The following ATRNL1 variants were observed in gnomAD, a reference collection of about 807,000 sequenced individuals.
ATRNL1 encodes the protein attractin-like protein 1.
Under a neutral mutation model 182.7 loss-of-function variants are expected in ATRNL1, and 95 were observed. The ratio of observed to expected loss-of-function variants is 0.52; its 90% CI spans 0.44 to 0.62. ATRNL1 has a LOEUF of 0.62. ATRNL1 is among the 20% of genes least tolerant of loss of function. ATRNL1 has a pLI of 0.00. For synonymous variants in ATRNL1, 576 were observed against 568.3 expected, an observed-to-expected ratio of 1.01 and a Z score of -0.19; for missense variants, 1,471 against 1,679.5, an observed-to-expected ratio of 0.88 and a Z score of 2.17.
rs528619167 is a variant in ATRNL1 at position 115,321,671 on chromosome 10, C to CTT, written c.3037+5953_3037+5954dup. Reference sequence around the variant, plus strand: ...AATACTGAAGAGGGAAAGGTGAAAGCTTTTTTTTTTTTTTTTTTTAAAGAA... The same window carrying CTT: ...AATACTGAAGAGGGAAAGGTGAAAGCTTTTTTTTTTTTTTTTTTTTTAAAGAA... On this transcript the variant is annotated intron_variant, in intron 18 of 28. Coordinates refer to ENST00000355044, the MANE Select transcript of ATRNL1 (RefSeq NM_207303.4). 6.9e-3 allele frequency among the ~76,000 whole-genome samples: 863 copies of CTT among 125,644 alleles called. 4 individuals are homozygous for CTT. The highest frequency in any genetic ancestry group is 0.018 in the South Asian group (69 of 3,792). 82.4% of individuals were successfully genotyped at this position (125,644 alleles called of 152,430 possible). A position where few individuals can be genotyped will look rare whatever the true frequency, so the allele number is the denominator to read the frequency against.
rs1250779664 is a variant in ATRNL1 at position 115,487,607 on chromosome 10, T to C, written c.3654+18278T>C. Among the ~76,000 whole-genome samples the C allele has an allele frequency of 2.0e-5, 3 of 152,218 alleles. No individual in the cohort carries two copies. In the East Asian group the frequency reaches 5.8e-4, roughly 29 times the overall value. On this transcript the variant is annotated intron_variant, in intron 24 of 28. Coordinates refer to ENST00000355044, the MANE Select transcript of ATRNL1 (RefSeq NM_207303.4). ...ATTCGGACACTTTGCTGAAGTTGCT[T>C]GTCAGCTTAAGGAGTTTTTGGACGG...
intron 26 of ATRNL1, among the ~76,000 whole-genome samples, chr10:115,594,159 C>A (rs2133925156): frequency 6.6e-6 from 1 of 152,140 alleles, no homozygotes; most frequent in South Asian, 2.1e-4. Flanking sequence ...GGGAGAAACA[C>A]TTAGTTATTC....
At chr10:115,258,674 A>T (rs1592337683) in intron 10 of ATRNL1, among the ~76,000 whole-genome samples, 1 of 152,040 alleles carries the variant, frequency 6.6e-6, no homozygotes, top group Admixed American at 6.5e-5. Context: ...AGGAGCTGTG[A>T]TCCTTTGGAG....
At chr10:115,464,366 C>A (rs889057673) in intron 22 of ATRNL1, among the ~76,000 whole-genome samples, 1 of 151,914 alleles carries the variant, frequency 6.6e-6, no homozygotes, top group Admixed American at 6.6e-5. Context: ...AACTCGCTAT[C>A]CATCACTTCT....
intron 15 of ATRNL1, among the ~76,000 whole-genome samples, chr10:115,289,339 CT>C (rs1311396987): frequency 6.6e-6 from 1 of 152,114 alleles, no homozygotes; most frequent in Non-Finnish European, 1.5e-5. Flanking sequence ...TGTAGGTTGT[CT>C]TTTCACTGTG....
At chr10:115,783,919 A>G (rs1033433317) in intron 27 of ATRNL1, among the ~76,000 whole-genome samples, 5 of 152,106 alleles carry the variant, frequency 3.3e-5, no homozygotes, top group African/African-American at 7.2e-5. Flanking sequence ...AGGCTGAGGC[A>G]GGAGAATCAC....
intron 20 of ATRNL1, among the ~76,000 whole-genome samples, chr10:115,424,295 G>A (rs1426031356): frequency 6.6e-6 from 1 of 152,194 alleles, no homozygotes; most frequent in African/African-American, 2.4e-5. Context: ...TACTGGCGAG[G>A]TTGTGGAGAA....
intron 19 of ATRNL1, among the ~76,000 whole-genome samples, chr10:115,385,098 G>A (rs782516023): frequency 1.3e-5 from 2 of 151,958 alleles, no homozygotes; most frequent in Admixed American, 6.6e-5. Flanking sequence ...ATTTGTAAAC[G>A]TATGTGTCAC....
intron 27 of ATRNL1, among the ~76,000 whole-genome samples, chr10:115,748,358 T>C (rs1442326363): frequency 6.6e-6 from 1 of 151,752 alleles, no homozygotes; most frequent in East Asian, 1.9e-4. Context: ...TCTTTTTTTT[T>C]TTTTTTTGCC....
intron 25 of ATRNL1, among the ~76,000 whole-genome samples, chr10:115,530,883 GT>G (rs1286454317): frequency 6.7e-6 from 1 of 149,088 alleles, no homozygotes; most frequent in African/African-American, 2.5e-5. Context: ...GTGGTGTTTG[GT>G]TTTTTGTCCT....
At chr10:115,353,663 T>G (rs1275588644) in intron 19 of ATRNL1, among the ~76,000 whole-genome samples, 2 of 152,328 alleles carry the variant, frequency 1.3e-5, no homozygotes, top group South Asian at 4.1e-4. Context: ...CTCTTCCTTT[T>G]TAGATTAGTG....
At chr10:115,229,056 C>T (rs1592290550) in intron 9 of ATRNL1, among the ~76,000 whole-genome samples, 2 of 152,100 alleles carry the variant, frequency 1.3e-5, no homozygotes, top group Middle Eastern at 3.4e-3. Context: ...CATGAGCCAC[C>T]ATGCTTGCCC....
At chr10:115,798,576 G>A (rs1036532010) in intron 27 of ATRNL1, among the ~76,000 whole-genome samples, 1 of 152,078 alleles carries the variant, frequency 6.6e-6, no homozygotes, top group African/African-American at 2.4e-5. Context: ...TGACTAAACT[G>A]GTTTTGTCCT....
At position 115,884,741 on chromosome 10, in the gene ATRNL1, T is replaced by C. The variant is rs528864312; in HGVS notation, c.4018+36750T>C. On this transcript the variant is annotated intron_variant, in intron 28 of 28. Coordinates refer to ENST00000355044, the MANE Select transcript of ATRNL1 (RefSeq NM_207303.4). Reference sequence around the variant, plus strand: ...ATTTCGTACTTAGCTACGCATCACATGTACAGGTCTTCCAAATATCCCAGG... The same window carrying C: ...ATTTCGTACTTAGCTACGCATCACACGTACAGGTCTTCCAAATATCCCAGG... Among the ~76,000 whole-genome samples, 5 of 152,312 alleles carry C rather than the reference T, an allele frequency of 3.3e-5. No individual in the cohort carries two copies. In the East Asian group the frequency reaches 5.8e-4, roughly 18 times the overall value.
At chr10:115,794,663 A>G (rs2134219451) in intron 27 of ATRNL1, among the ~76,000 whole-genome samples, 1 of 152,276 alleles carries the variant, frequency 6.6e-6, no homozygotes, top group African/African-American at 2.4e-5. Flanking sequence ...CACTTCAGCA[A>G]AAGTGATTCT....
At chr10:115,145,159 A>G (rs1396707155) in intron 5 of ATRNL1, among the ~76,000 whole-genome samples, 4 of 152,190 alleles carry the variant, frequency 2.6e-5, no homozygotes, top group Admixed American at 1.3e-4. Flanking sequence ...TTTTCTAAGC[A>G]TACATATTTT....
intron 10 of ATRNL1, among the ~76,000 whole-genome samples, chr10:115,243,062 T>TTTTG (rs555967596): frequency 6.6e-6 from 1 of 151,882 alleles, no homozygotes; most frequent in Non-Finnish European, 1.5e-5. Context: ...TTGATGAAAG[T>TTTTG]TTTGTTTGTT....
chr10:115,302,076 A>G, intron 17 of ATRNL1, 33 bp downstream of exon 17: 1 of 1,519,140 alleles, frequency 6.6e-7, no homozygotes, highest in Non-Finnish European at 8.9e-7. Context: ...TTTTCACTTG[A>G]CAGCAACGTA....
intron 18 of ATRNL1, among the ~76,000 whole-genome samples, chr10:115,320,267 TAGTC>T (rs1554931001): frequency 1.3e-5 from 2 of 152,316 alleles, no homozygotes; most frequent in African/African-American, 4.8e-5. Context: ...GGTCCACTAT[TAGTC>T]TGTTGGGCTT....
Sources: allele counts gnomAD v4.1 joint callset (sites outside exome capture counted in the v4.1 genomes callset), GRCh38; gene constraint gnomAD v4.1.1; transcripts MANE v1.5; gene names NCBI Gene and HGNC (gene_info 2026-07-23, HGNC 2026-07-21).